Variants in HID1 observed in about 807,000 individuals in gnomAD.
The protein encoded by HID1 is protein HID1.
Under a neutral mutation model 89.7 loss-of-function variants are expected in HID1, and 42 were observed. That is an observed-to-expected ratio of 0.47 (90% CI 0.37 to 0.61). HID1 has a LOEUF of 0.61. Ranked by LOEUF, HID1 falls within the 20% of genes least tolerant of loss-of-function variation. HID1 has a pLI of 0.00. For missense variants in HID1, 854 were observed against 1,039.3 expected (o/e 0.82, Z 2.45); for synonymous variants, 442 against 433.8 (o/e 1.02, Z -0.24).
rs963486034 is a variant in HID1 at position 74,972,160 on chromosome 17, C to T, written c.66+431G>A. On this transcript the variant is annotated intron_variant, in intron 1 of 18. Coordinates refer to ENST00000425042, the MANE Select transcript of HID1 (RefSeq NM_030630.3). The surrounding 1 kb of genome is among the most constrained non-coding windows in gnomAD (Gnocchi z 6.4). The stretch of plus-strand genomic sequence containing the variant: ...GCGGACGCCAGCCAGGCTTTGTTTG[C>T]ATTGAGTCAACAGGGACTGTGCGTC... Among the ~76,000 whole-genome samples the T allele has an allele frequency of 7.9e-5, 12 of 150,950 alleles. No homozygotes were observed. Among genetic ancestry groups the T allele is most frequent in the Admixed American group, 7.2e-4 (11 of 15,182 alleles).
intron 1 of HID1, among the ~76,000 whole-genome samples, chr17:74,966,672 G>A (rs557310249): frequency 1.8e-4 from 27 of 152,196 alleles, no homozygotes; most frequent in Admixed American, 1.4e-3. Flanking sequence ...TTCTGGGGCC[G>A]GGCGTGGTGG....
chr17:74,955,841 G>C lies in HID1; in HGVS notation c.1587C>G (p.Val529=). 1 of 1,614,218 alleles carries C rather than the reference G, an allele frequency of 6.2e-7. No homozygotes were observed. Among genetic ancestry groups the C allele is most frequent in the Non-Finnish European group, 8.5e-7 (1 of 1,180,030 alleles). Residue 529 remains valine (V), a synonymous_variant, in exon 13 of 19, where the codon GTC becomes GTG. Coordinates refer to ENST00000425042, the MANE Select transcript of HID1 (RefSeq NM_030630.3). Reference sequence around the variant, plus strand: ...TGTTGAAGACCTCCAGGAGGAAGAAGACCAGGTGGTGGTTCTGGGCGGCAG... The same window carrying C: ...TGTTGAAGACCTCCAGGAGGAAGAACACCAGGTGGTGGTTCTGGGCGGCAG... The part of the protein sequence containing the change: ...LFSAAQNHHL[V]FFLLEVFNNI...
Position 74,972,188 on chromosome 17 carries a change from G to A in HID1, c.66+403C>T, listed in dbSNP as rs1224318305. Among the ~76,000 whole-genome samples, 1 of 151,328 alleles carries A rather than the reference G, an allele frequency of 6.6e-6. No individual in the cohort carries two copies. The highest frequency in any genetic ancestry group is 2.4e-5 in the African/African-American group (1 of 41,286). ...TGAGTCAACAGGGACTGTGCGTCCG[G>A]GACCCGCGGGCAATGAGGGGCAGGG... On this transcript the variant is annotated intron_variant, in intron 1 of 18. Coordinates refer to ENST00000425042, the MANE Select transcript of HID1 (RefSeq NM_030630.3). This position sits in a 1 kb window ranked among gnomAD's most constrained non-coding sequence, Gnocchi z 6.4.
rs749085692 is a variant in HID1, at chr17:74,962,899, T to C, written c.504+66A>G. On this transcript the variant is annotated intron_variant, in intron 4 of 18. Transcript: ENST00000425042. The surrounding 1 kb of genome is among the most constrained non-coding windows in gnomAD (Gnocchi z 4.3). ...GCAATCCGCCCAAGGGAACTTCAAC[T>C]GGCCCGGCCCCAACCCAGGACCAGA... is the stretch of plus-strand genomic sequence containing the variant. 22 of 1,201,238 alleles carry C rather than the reference T, an allele frequency of 1.8e-5. No individual in the cohort carries two copies. Among genetic ancestry groups the C allele is most frequent in the Non-Finnish European group, 2.4e-5 (20 of 833,296 alleles). 74.4% of individuals were successfully genotyped at this position (1,201,238 alleles called of 1,614,324 possible). A position where few individuals can be genotyped will look rare whatever the true frequency, so the allele number is the denominator to read the frequency against.
At position 74,958,408 on chromosome 17, in the gene HID1, C is replaced by T. The variant is rs767446829; in HGVS notation, c.1311G>A (p.Val437=). The T allele has an allele frequency of 6.2e-7, 1 of 1,609,034 alleles. No individual in the cohort carries two copies. The highest frequency in any genetic ancestry group is 1.1e-5 in the South Asian group (1 of 90,176). The change falls in exon 11 of 19, where the codon GTG becomes GTA. Residue 437 remains valine, a synonymous_variant. Coordinates refer to ENST00000425042, the MANE Select transcript of HID1 (RefSeq NM_030630.3). This position sits in a 1 kb window ranked among gnomAD's most constrained non-coding sequence, Gnocchi z 5.2. ...LLLSGERNFG[V]RLNKPYSIRV... The stretch of plus-strand genomic sequence containing the variant: ...GGATTGAGTAGGGTTTGTTCAGCCG[C>T]ACCCCGAAGTTCCGCTCCCCGCTCA...
intron 2 of HID1, 70 bp downstream of exon 2, chr17:74,964,413 A>C: frequency 6.6e-7 from 1 of 1,513,320 alleles, no homozygotes; most frequent in East Asian, 2.4e-5. Context: ...GAGGCCCTGG[A>C]TGCGCCTGCC....
At chr17:74,963,998 G>C (rs2039525235) in intron 2 of HID1, 88 bp from the exon 3 acceptor site, 1 of 1,434,774 alleles carries the variant, frequency 7.0e-7, no homozygotes, top group Admixed American at 1.8e-5. Flanking sequence ...CCAGGCTGCA[G>C]AGGAGGGTCA....
intron 6 of HID1, among the ~76,000 whole-genome samples, chr17:74,961,320 C>T (rs2144814876): frequency 6.6e-6 from 1 of 151,664 alleles, no homozygotes; most frequent in East Asian, 1.9e-4. Flanking sequence ...CAGGCTGGAG[C>T]GCAGTGGCGC....
In HID1 at chr17:74,961,979, G is replaced by C; in HGVS notation, c.622C>G (p.Leu208Val). 1 of 1,585,918 alleles carries C rather than the reference G, an allele frequency of 6.3e-7. No homozygotes were observed. ...GAGAAGCATGTCAGCAGCAGTTTCA[G>C]CAGCTCCATCCTTGTAGGAGGAAGG... Reference protein sequence around the residue: ...YIHDMNRMELLKLLLTCFSEA... With the variant: ...YIHDMNRMELVKLLLTCFSEA... The change falls in exon 6 of 19, where the codon CTG becomes GTG. Residue 208 changes from leucine (L) to valine (V), a missense_variant. Transcript: ENST00000425042.
rs1486162440 is a variant in HID1 at position 74,972,228 on chromosome 17, T to C, written c.66+363A>G. 2.9e-5 allele frequency among the ~76,000 whole-genome samples: 1 copy of C among 34,842 alleles called. No individual in the cohort carries two copies. The highest frequency in any genetic ancestry group is 9.3e-4 in the East Asian group (1 of 1,076). The allele number at this position is 34,842 out of a possible 152,430, so 22.9% of individuals were successfully genotyped here. A position where few individuals can be genotyped will look rare whatever the true frequency, so the allele number is the denominator to read the frequency against. The stretch of plus-strand genomic sequence containing the variant: ...GAGGGGCAGGGAGGGGAGCGGACGG[T>C]GGATGGGTGGGTGGGGGCGGCGGGA... On this transcript the variant is annotated intron_variant, in intron 1 of 18. Transcript: ENST00000425042. The surrounding 1 kb of genome is among the most constrained non-coding windows in gnomAD (Gnocchi z 6.4).
rs994998674 is a variant in HID1 at position 74,958,030 on chromosome 17, C to G, written c.1471+111G>C. ...CTACTATGAAGGGTACACAAGCTTG[C>G]GTTCTTTCTGTGGGCTGGAGGGGCT... On this transcript the variant is annotated intron_variant, in intron 12 of 18. Coordinates refer to ENST00000425042, the MANE Select transcript of HID1 (RefSeq NM_030630.3). This position sits in a 1 kb window ranked among gnomAD's most constrained non-coding sequence, Gnocchi z 5.2. The G allele has an allele frequency of 5.5e-6, 5 of 901,770 alleles. No homozygotes were observed. Among genetic ancestry groups the G allele is most frequent in the Non-Finnish European group, 8.6e-6 (5 of 580,330 alleles). The allele number at this position is 901,770 out of a possible 1,614,324, so 55.9% of individuals were successfully genotyped here.
rs1445022416 is a variant in HID1, at chr17:74,963,027, C to A, written c.442G>T (p.Ala148Ser). 3 of 1,613,558 alleles carry A rather than the reference C, an allele frequency of 1.9e-6. No homozygotes were observed. Among genetic ancestry groups the A allele is most frequent in the East Asian group, 4.5e-5 (2 of 44,852 alleles). ...GGGCAGAAGAGCAGGTCAGCAATGG[C>A]CAGGAGCAGGGACTCGGCCAGGGGC... is the stretch of plus-strand genomic sequence containing the variant. ...ARPLAESLLL[A>S]IADLLFCPDF... is the part of the protein sequence containing the mutation. Residue 148 changes from alanine (A) to serine (S), a missense_variant, in exon 4 of 19, where the codon GCC (alanine) becomes TCC (serine). Transcript: ENST00000425042.
Position 74,958,130 on chromosome 17 carries a change from C to A in HID1, c.1471+11G>T. On this transcript the variant is annotated intron_variant, in intron 12 of 18. Transcript: ENST00000425042. The surrounding 1 kb of genome is among the most constrained non-coding windows in gnomAD (Gnocchi z 5.2). ...TGGTGAGCGCGGGGAGTGCAAGCTC[C>A]GGGCCCCTACCGTTGACCACGATGG... is the stretch of plus-strand genomic sequence containing the variant. The A allele has an allele frequency of 6.3e-7, 1 of 1,596,318 alleles. No individual in the cohort carries two copies.
At chr17:74,953,134 G>A (rs749752416) in intron 15 of HID1, 48 bp from the exon 16 acceptor site, 64 of 1,416,222 alleles carry the variant, frequency 4.5e-5, no homozygotes, top group Non-Finnish European at 6.0e-5. Context: ...CGGTGGGTGA[G>A]GGGTGGAGTG....
At chr17:74,956,773 T>C (rs1392504546) in intron 12 of HID1, among the ~76,000 whole-genome samples, 1 of 152,216 alleles carries the variant, frequency 6.6e-6, no homozygotes. Flanking sequence ...CCCCAGCCCA[T>C]GGCCACCTGC....
At chr17:74,953,783 G>A (rs1471961915) in intron 14 of HID1, 132 bp from the exon 15 acceptor site, 1 of 718,378 alleles carries the variant, frequency 1.4e-6, no homozygotes, top group African/African-American at 1.8e-5. Context: ...TCTAGAGGCA[G>A]TGTCTGATCA....
In HID1 at chr17:74,972,527, C is replaced by T; in HGVS notation, c.66+64G>A. On this transcript the variant is annotated intron_variant, in intron 1 of 18. Coordinates refer to ENST00000425042, the MANE Select transcript of HID1 (RefSeq NM_030630.3). The surrounding 1 kb of genome is among the most constrained non-coding windows in gnomAD (Gnocchi z 6.4). ...CTCCCGACGAGCCAAGTTCGCGTAC[C>T]CCCGGCCCTGCCCAGCCCCCAGCCC... The T allele has an allele frequency of 6.9e-7, 1 of 1,454,196 alleles. No homozygotes were observed. The highest frequency in any genetic ancestry group is 1.3e-5 in the South Asian group (1 of 79,968). 90.1% of individuals were successfully genotyped at this position (1,454,196 alleles called of 1,614,324 possible).
At chr17:74,952,215 G>A (rs1598613875) in intron 17 of HID1, 54 bp downstream of exon 17, 2 of 1,482,884 alleles carry the variant, frequency 1.3e-6, no homozygotes, top group Non-Finnish European at 1.9e-6. Context: ...CACCGGCCCC[G>A]CCCACAACCC....
At position 74,960,062 on chromosome 17, in the gene HID1, G is replaced by T; in HGVS notation, c.915C>A (p.Asp305Glu). Reference sequence around the variant, plus strand: ...CCATGGCGGTGCCAGTGGTGGTGCCGTCCACAGTGGGGCTGGCACTGCTGG... The same window carrying T: ...CCATGGCGGTGCCAGTGGTGGTGCCTTCCACAGTGGGGCTGGCACTGCTGG... Reference protein sequence around the residue: ...DSASSASPTVDGTTTGTAMDD... With the variant: ...DSASSASPTVEGTTTGTAMDD... The change falls in exon 7 of 19, where the codon GAC (aspartate) becomes GAA (glutamate). Residue 305 changes from aspartate (D) to glutamate (E), a missense_variant. Transcript: ENST00000425042. 6.2e-6 allele frequency: 10 copies of T among 1,613,628 alleles called. No homozygotes were observed. Among genetic ancestry groups the T allele is most frequent in the Non-Finnish European group, 8.5e-6 (10 of 1,179,910 alleles).
Sources: allele counts gnomAD v4.1 joint callset (sites outside exome capture counted in the v4.1 genomes callset), GRCh38; gene constraint gnomAD v4.1.1; non-coding constraint Gnocchi (gnomAD v3.1); transcripts MANE v1.5; gene names NCBI Gene and HGNC (gene_info 2026-07-23, HGNC 2026-07-21).